The following NIPA2 variants were observed in gnomAD, a reference collection of about 807,000 sequenced individuals.
NIPA2 encodes NIPA magnesium transporter 2.
NIPA2 carries 11 observed loss-of-function variants against 29.7 expected under a neutral mutation model. The observed-to-expected ratio is 0.37, with a 90% CI of 0.23 to 0.61. The LOEUF (loss-of-function observed/expected upper bound fraction) is 0.61. Among genes scored for constraint, NIPA2 ranks in the 20% least tolerant of loss-of-function variants. The pLI, the probability that NIPA2 is intolerant of heterozygous loss-of-function variation, is 0.66. For synonymous variants in NIPA2, 183 were observed against 161.9 expected (o/e 1.13, Z -0.99); for missense variants, 426 against 437.9 (o/e 0.97, Z 0.24).
rs1566868754 is a variant in NIPA2 at position 22,864,045 on chromosome 15, G to T, written c.449-2168G>T. On this transcript the variant is annotated intron_variant, in intron 7 of 7. Coordinates refer to ENST00000337451, the MANE Select transcript of NIPA2 (RefSeq NM_030922.7). ...TTCTGAGGATATTAGTAATTTTTTT[G>T]TTTTTTGAGGGACAGTTGTTTATTT... Among the ~76,000 whole-genome samples, 4 of 151,918 alleles carry T rather than the reference G, an allele frequency of 2.6e-5. No homozygotes were observed. In the South Asian group the frequency reaches 8.3e-4, roughly 32 times the overall value.
At chr15:22,864,272 A>G (rs2058819724) in intron 7 of NIPA2, among the ~76,000 whole-genome samples, 2 of 152,020 alleles carry the variant, frequency 1.3e-5, no homozygotes, top group South Asian at 4.2e-4. Flanking sequence ...CTCCTGCCTC[A>G]GCCTCCCGAG....
chr15:22,852,514 G>A (rs1329144381), intron 4 of NIPA2, among the ~76,000 whole-genome samples: 7 of 150,850 alleles, frequency 4.6e-5, no homozygotes, highest in African/African-American at 7.3e-5. Flanking sequence ...ATTAAAGGCT[G>A]GGATCTTTTG....
In NIPA2 at chr15:22,866,751, A is replaced by C. The variant is rs746128574; in HGVS notation, c.987A>C (p.Glu329Asp). Residue 329 changes from glutamate (E) to aspartate (D), a missense_variant, in exon 8 of 8, where the codon GAA becomes GAC. Glu to Asp is a conservative substitution (Grantham distance 45). Coordinates refer to ENST00000337451, the MANE Select transcript of NIPA2 (RefSeq NM_030922.7). ...AMNGNLSNMY[E>D]VLNNNEESLT... ...ATGGCAATCTCTCTAATATGTATGA[A>C]GTTCTTAATAATAATGAAGAAAGCT... 4 of 1,613,682 alleles carry C rather than the reference A, an allele frequency of 2.5e-6. No individual in the cohort carries two copies. Among genetic ancestry groups the C allele is most frequent in the South Asian group, 2.2e-5 (2 of 91,060 alleles).
rs1422479576 is a variant in NIPA2, at chr15:22,860,737, G to A, written c.396G>A (p.Lys132=). The change falls in exon 7 of 8, where the codon AAG becomes AAA. Residue 132 remains lysine (K), a synonymous_variant. Coordinates refer to ENST00000337451, the MANE Select transcript of NIPA2 (RefSeq NM_030922.7). ...CAGTTATGGTCATTCATGCTCCAAA[G>A]GAAGAGGAGATTGAGACTTTAAATG... ...GSTVMVIHAP[K]EEEIETLNEM... is the part of the protein sequence containing the mutation. 2.5e-6 allele frequency: 4 copies of A among 1,602,416 alleles called. No homozygotes were observed. The highest frequency in any genetic ancestry group is 2.3e-5 in the South Asian group (2 of 87,790).
chr15:22,865,082 G>A (rs569486518), intron 7 of NIPA2, among the ~76,000 whole-genome samples: 3 of 152,118 alleles, frequency 2.0e-5, no homozygotes, highest in South Asian at 2.1e-4. Flanking sequence ...GGCTGGTCTC[G>A]AACTCCTGAC....
At chr15:22,861,747 C>T (rs1326804489) in intron 7 of NIPA2, among the ~76,000 whole-genome samples, 3 of 151,950 alleles carry the variant, frequency 2.0e-5, no homozygotes, top group Admixed American at 6.6e-5. Flanking sequence ...CCTGATGGTT[C>T]ATTTTATTTT....
intron 1 of NIPA2, 164 bp downstream of exon 1, chr15:22,839,085 A>T (rs1303168711): frequency 6.6e-6 from 1 of 152,036 alleles, no homozygotes; most frequent in African/African-American, 2.4e-5. Flanking sequence ...CGTGAATCGG[A>T]TTGCCGTTCA....
intron 2 of NIPA2, among the ~76,000 whole-genome samples, chr15:22,842,358 C>T (rs140604641): frequency 2.0e-3 from 304 of 152,176 alleles, no homozygotes; most frequent in Non-Finnish European, 3.2e-3. Flanking sequence ...GAGTGCTGAC[C>T]GGGGTAGAAC....
At chr15:22,843,422 C>T (rs1300378679) in intron 2 of NIPA2, among the ~76,000 whole-genome samples, 9 of 150,866 alleles carry the variant, frequency 6.0e-5, no homozygotes, top group South Asian at 2.1e-4. Flanking sequence ...AGGAGAATGG[C>T]GTGAACCCGG....
In NIPA2 at chr15:22,851,689, G is replaced by GT; in HGVS notation, c.-42dup. 1 of 1,572,392 alleles carries GT rather than the reference G, an allele frequency of 6.4e-7. No homozygotes were observed. The highest frequency in any genetic ancestry group is 8.6e-7 in the Non-Finnish European group (1 of 1,158,386). On this transcript the variant is annotated 5_prime_UTR_variant, in exon 4 of 8. Coordinates refer to ENST00000337451, the MANE Select transcript of NIPA2 (RefSeq NM_030922.7). ...CTAGTACCAGCGGTTTCTCTGTTCT[G>GT]TGATCAATGTGATTCACAGGAACTC...
intron 3 of NIPA2, among the ~76,000 whole-genome samples, chr15:22,847,217 T>G (rs1297471022): frequency 6.6e-6 from 1 of 152,078 alleles, no homozygotes; most frequent in African/African-American, 2.4e-5. Context: ...TGTGAGTCTA[T>G]TGTTATACTG....
chr15:22,843,104 G>T (rs979665992), intron 2 of NIPA2, among the ~76,000 whole-genome samples: 4 of 151,868 alleles, frequency 2.6e-5, no homozygotes, highest in Non-Finnish European at 4.4e-5. Context: ...ACAAACAGGG[G>T]TCGTGATTCC....
chr15:22,852,471 A>AAAAAAAAAC (rs1555383330), intron 4 of NIPA2, among the ~76,000 whole-genome samples: 5 of 151,922 alleles, frequency 3.3e-5, no homozygotes, highest in Non-Finnish European at 7.4e-5. Context: ...TCCGTCTAAA[A>AAAAAAAAAC]AAAAAAAAAA....
chr15:22,854,266 A>G (rs2058016649), intron 5 of NIPA2, among the ~76,000 whole-genome samples: 1 of 151,774 alleles, frequency 6.6e-6, no homozygotes, highest in Admixed American at 6.6e-5. Context: ...TAGCTGGACT[A>G]CAGGTGTGCG....
At chr15:22,841,749 C>T (rs889565875) in intron 2 of NIPA2, among the ~76,000 whole-genome samples, 3 of 152,110 alleles carry the variant, frequency 2.0e-5, no homozygotes, top group Non-Finnish European at 4.4e-5. Flanking sequence ...CCTCATGATC[C>T]ACCCGCCTCG....
intron 3 of NIPA2, among the ~76,000 whole-genome samples, chr15:22,846,927 G>A (rs924038805): frequency 4.1e-5 from 6 of 147,626 alleles, no homozygotes; most frequent in African/African-American, 1.2e-4. Context: ...GTTTGAGACC[G>A]AGTTTCGCTC....
chr15:22,856,690 A>G (rs1390394354), intron 5 of NIPA2, among the ~76,000 whole-genome samples: 2 of 152,230 alleles, frequency 1.3e-5, no homozygotes, highest in East Asian at 1.9e-4. Flanking sequence ...GATAAACTTT[A>G]ACAGCTACTT....
At position 22,853,374 on chromosome 15, in the gene NIPA2, CTT is replaced by C. The variant is rs35568106; in HGVS notation, c.196+122_196+123del. ...AGCAAGTTTTAAAGGTTTAAATAATCTTTTTTTTTTTTTTTTTGAGACAGAGT... is the reference window on the plus strand; with the variant it reads ...AGCAAGTTTTAAAGGTTTAAATAATCTTTTTTTTTTTTTTTGAGACAGAGT... On this transcript the variant is annotated intron_variant, in intron 5 of 7. Transcript: ENST00000337451. The C allele has an allele frequency of 0.15, 56,757 of 373,554 alleles. 1,478 individuals carry two copies. Among genetic ancestry groups the C allele is most frequent in the Admixed American group, 0.25 (5,629 of 22,516 alleles). 23.1% of individuals were successfully genotyped at this position (373,554 alleles called of 1,614,324 possible).
intron 6 of NIPA2, among the ~76,000 whole-genome samples, chr15:22,859,817 CTTAA>C (rs2058493979): frequency 6.6e-6 from 1 of 151,930 alleles, no homozygotes; most frequent in Admixed American, 6.6e-5. Flanking sequence ...GCCCTTTACC[CTTAA>C]TTTTCTTTGT....
Sources: gnomAD v4.1 joint callset for allele counts (sites outside exome capture counted in the v4.1 genomes callset) on GRCh38, gnomAD v4.1.1 for gene constraint, MANE v1.5 for transcripts, NCBI Gene and HGNC (gene_info 2026-07-23, HGNC 2026-07-21) for gene names.